The following SMCHD1 variants were observed in gnomAD, a reference collection of about 807,000 sequenced individuals.
SMCHD1 encodes structural maintenance of chromosomes flexible hinge domain containing 1.
In SMCHD1, 78 loss-of-function variants were observed where a neutral mutation model predicts 254.7. That is an observed-to-expected ratio of 0.31 (90% confidence interval 0.26 to 0.37). The LOEUF (loss-of-function observed/expected upper bound fraction) is 0.37, where lower values mean the gene tolerates loss of function less well. SMCHD1 is among the 10% of genes least tolerant of loss of function. The pLI is 1.00. For missense variants in SMCHD1, 1,840 were observed against 2,408.1 expected (o/e 0.76, Z 4.94); for synonymous variants, 766 against 794.9 (o/e 0.96, Z 0.61).
Position 2,747,514 on chromosome 18 carries a change from CT to C in SMCHD1, c.3802-4del, listed in dbSNP as rs1568298152. On this transcript the variant is annotated splice_polypyrimidine_tract_variant and splice_region_variant and intron_variant, in intron 29 of 47. Transcript: ENST00000320876. Reference sequence around the variant, plus strand: ...TAGTGTTTCTTAAAATATTTCTATTCTTTTCAGTCCATTCCAGTGATTAATG... The same window carrying C: ...TAGTGTTTCTTAAAATATTTCTATTCTTTCAGTCCATTCCAGTGATTAATG... 2.5e-6 allele frequency: 4 copies of C among 1,589,520 alleles called. No individual in the cohort carries two copies. In the Admixed American group the frequency reaches 5.3e-5, roughly 21 times the overall value.
chr18:2,755,072 AGAGACAGGG>A (rs1461893244), intron 34 of SMCHD1, among the ~76,000 whole-genome samples: 1 of 152,088 alleles, frequency 6.6e-6, no homozygotes, highest in African/African-American at 2.4e-5. Flanking sequence ...TAATTAATTT[AGAGACAGGG>A]TCTCACTATG....
rs1475334199 is a variant in SMCHD1, at chr18:2,718,633, G to C, written c.2458+199G>C. ...TGCAGTGGCACAATCTCGGCTCACT[G>C]CAACCTCCGCTTCCTGGGTTCAAGT... On this transcript the variant is annotated intron_variant, in intron 19 of 47. Transcript: ENST00000320876. This position sits in a 1 kb window ranked among gnomAD's most constrained non-coding sequence, Gnocchi z 4.6. Among the ~76,000 whole-genome samples, 2 of 152,146 alleles carry C rather than the reference G, an allele frequency of 1.3e-5. No homozygotes were observed. Among genetic ancestry groups the C allele is most frequent in the Admixed American group, 1.3e-4 (2 of 15,274 alleles).
intron 7 of SMCHD1, among the ~76,000 whole-genome samples, chr18:2,693,272 A>G (rs917356384): frequency 3.9e-5 from 6 of 152,204 alleles, no homozygotes; most frequent in Admixed American, 3.9e-4. Flanking sequence ...ATAGTCTCCT[A>G]TCACTTAAGG....
chr18:2,685,335 G>A (rs1182155837), intron 5 of SMCHD1, among the ~76,000 whole-genome samples: 2 of 151,994 alleles, frequency 1.3e-5, no homozygotes, highest in Non-Finnish European at 2.9e-5. Flanking sequence ...TCCTGACCTC[G>A]TGATCCGCCC....
rs754698881 is a variant in SMCHD1 at position 2,718,124 on chromosome 18, CA to C, written c.2261-32del. On this transcript the variant is annotated intron_variant, in intron 17 of 47. Coordinates refer to ENST00000320876, the MANE Select transcript of SMCHD1 (RefSeq NM_015295.3). The surrounding 1 kb of genome is among the most constrained non-coding windows in gnomAD (Gnocchi z 4.6). Reference sequence around the variant, plus strand: ...ATTTCATGTTTTACGTTGAATTTCTCAAGACACTATTGTTTCTTTTTTCTTT... The same window carrying C: ...ATTTCATGTTTTACGTTGAATTTCTCAGACACTATTGTTTCTTTTTTCTTT... 1 of 1,513,362 alleles carries C rather than the reference CA, an allele frequency of 6.6e-7. No homozygotes were observed. Among genetic ancestry groups the C allele is most frequent in the Admixed American group, 1.9e-5 (1 of 53,460 alleles). The allele number at this position is 1,513,362 out of a possible 1,614,324, so 93.7% of individuals were successfully genotyped here.
intron 5 of SMCHD1, among the ~76,000 whole-genome samples, chr18:2,680,255 A>T (rs578022950): frequency 1.3e-5 from 2 of 152,158 alleles, no homozygotes; most frequent in Non-Finnish European, 2.9e-5. Flanking sequence ...TTTTATTGAG[A>T]ACTGGTCATA....
chr18:2,701,169 T>TG (rs1346696664), intron 12 of SMCHD1: 5 of 267,452 alleles, frequency 1.9e-5, no homozygotes, highest in Non-Finnish European at 3.5e-5. Context: ...TTTTTGTTTT[T>TG]TTTTTTTTAA....
At position 2,750,484 on chromosome 18, in the gene SMCHD1, T is replaced by C. The variant is rs748760814; in HGVS notation, c.4142T>C (p.Phe1381Ser). The change falls in exon 32 of 48, where the codon TTC (phenylalanine) becomes TCC (serine). Residue 1381 changes from phenylalanine to serine, a missense_variant. Phe to Ser is a radical substitution (Grantham distance 155). Coordinates refer to ENST00000320876, the MANE Select transcript of SMCHD1 (RefSeq NM_015295.3). ...LNVKYDKDAS[F>S]LAGGLFTDFM... ...GTTAAATATGACAAAGATGCATCCT[T>C]CTTAGCAGGGGGTCTTTTCACTGGT... 3 of 1,605,758 alleles carry C rather than the reference T, an allele frequency of 1.9e-6. No individual in the cohort carries two copies. In the East Asian group the frequency reaches 6.7e-5, roughly 36 times the overall value.
Position 2,740,774 on chromosome 18 carries a change from A to G in SMCHD1, c.3586A>G (p.Ile1196Val), listed in dbSNP as rs1443828515. The change falls in exon 28 of 48, where the codon ATT (isoleucine) becomes GTT (valine). Residue 1196 changes from isoleucine to valine, a missense_variant. Around this residue, in one of 9 missense-constraint regions of SMCHD1, gnomAD observed 881 missense variants for 1,009.5 expected, o/e 0.87. Coordinates refer to ENST00000320876, the MANE Select transcript of SMCHD1 (RefSeq NM_015295.3). ...FSPSSLSSLS[I>V]AGVGLDSSNL... ...ACCAAGTTCTTTATCTTCTTTGTCA[A>G]TTGCTGGGGTTGGACTTGATAGCTC... is the stretch of plus-strand genomic sequence containing the variant. 26 of 1,611,738 alleles carry G rather than the reference A, an allele frequency of 1.6e-5. No homozygotes were observed. Among genetic ancestry groups the G allele is most frequent in the South Asian group, 5.5e-5 (5 of 90,846 alleles).
intron 45 of SMCHD1, chr18:2,784,918 C>T: frequency 2.2e-6 from 1 of 447,564 alleles, no homozygotes; most frequent in Admixed American, 2.9e-5. Flanking sequence ...TTGAGGTCAG[C>T]CTGGGCAACG....
In SMCHD1 at chr18:2,747,736, TA is replaced by T; in HGVS notation, c.3927+95del. The T allele has an allele frequency of 4.8e-6, 5 of 1,052,568 alleles. No individual in the cohort carries two copies. The South Asian group carries it at 1.1e-4, about 22-fold the overall frequency. 65.2% of individuals were successfully genotyped at this position (1,052,568 alleles called of 1,614,324 possible). ...TTTAGCTGTCATATTGCTTCTTTTC[TA>T]AAAAATATATTTTACATAATCTTTA... is the stretch of plus-strand genomic sequence containing the variant. On this transcript the variant is annotated intron_variant, in intron 30 of 47. Transcript: ENST00000320876.
At position 2,663,615 on chromosome 18, in the gene SMCHD1, CCCA is replaced by C. The variant is rs1460260901; in HGVS notation, c.187-2538_187-2536del. ...CATTCATTGGATAGTTTATTCTTTC[CCCA>C]CCAATTTGTAATGTCACCTCTCTTG... On this transcript the variant is annotated intron_variant, in intron 1 of 47. Coordinates refer to ENST00000320876, the MANE Select transcript of SMCHD1 (RefSeq NM_015295.3). Among the ~76,000 whole-genome samples the C allele has an allele frequency of 3.9e-5, 6 of 152,136 alleles. No individual in the cohort carries two copies. The South Asian group carries it at 6.2e-4, about 16-fold the overall frequency.
chr18:2,784,761 A>G (rs1294295951), intron 45 of SMCHD1, 140 bp downstream of exon 45: 10 of 961,294 alleles, frequency 1.0e-5, no homozygotes, highest in Non-Finnish European at 1.6e-5. Flanking sequence ...GTTTTTGTCT[A>G]CTACTTTCAG....
intron 17 of SMCHD1, among the ~76,000 whole-genome samples, chr18:2,712,523 A>C (rs2074703748): frequency 1.3e-5 from 2 of 152,346 alleles, no homozygotes; most frequent in East Asian, 1.9e-4. Flanking sequence ...TTTGAAACCC[A>C]CATAAACAGA....
chr18:2,763,477 G>A (rs764821538), intron 36 of SMCHD1, among the ~76,000 whole-genome samples, 160 bp from the exon 37 acceptor site: 15 of 152,114 alleles, frequency 9.9e-5, no homozygotes, highest in Non-Finnish European at 2.2e-4. Flanking sequence ...CTTGCCTGTG[G>A]AACACTCAAA....
intron 47 of SMCHD1, 42 bp downstream of exon 47, chr18:2,796,563 C>CA: frequency 7.5e-7 from 1 of 1,328,308 alleles, no homozygotes; most frequent in Non-Finnish European, 1.1e-6. Context: ...GTTAGTTTAC[C>CA]AAAGTTCTTG....
intron 37 of SMCHD1, among the ~76,000 whole-genome samples, chr18:2,765,996 G>GTTTTCTTTTTTTTTTTT (rs377381607): frequency 1.4e-5 from 2 of 140,772 alleles, no homozygotes; most frequent in East Asian, 2.1e-4. Flanking sequence ...GCTATGTCCA[G>GTTTTCTTTTTTTTTTTT]TTTTCTTTTT....
At chr18:2,763,234 T>G (rs1435029217) in intron 36 of SMCHD1, among the ~76,000 whole-genome samples, 1 of 152,216 alleles carries the variant, frequency 6.6e-6, no homozygotes, top group African/African-American at 2.4e-5. Flanking sequence ...CCGAACATTG[T>G]GAGAAACACA....
At chr18:2,797,747 A>G (rs1046734137) in intron 47 of SMCHD1, among the ~76,000 whole-genome samples, 11 of 152,196 alleles carry the variant, frequency 7.2e-5, no homozygotes, top group African/African-American at 2.4e-4. Flanking sequence ...CAACATGGCA[A>G]AACCCTGTCT....
Sources: gnomAD v4.1 joint callset for allele counts (sites outside exome capture counted in the v4.1 genomes callset) on GRCh38, gnomAD v4.1.1 for gene constraint, gnomAD v4.1.1 regional missense constraint, Gnocchi (gnomAD v3.1) non-coding constraint, MANE v1.5 for transcripts, NCBI Gene and HGNC (gene_info 2026-07-23, HGNC 2026-07-21) for gene names.